The following NACC2 variants were observed in gnomAD, a reference collection of about 807,000 sequenced individuals.
The protein encoded by NACC2 is nucleus accumbens-associated protein 2.
A neutral mutation model predicts 25.1 loss-of-function variants in NACC2; 8 were observed. That is an observed-to-expected ratio of 0.32 (90% CI 0.19 to 0.57). The LOEUF (loss-of-function observed/expected upper bound fraction) is 0.57, where lower values mean the gene tolerates loss of function less well. Ranked by LOEUF, NACC2 falls within the 20% of genes least tolerant of loss-of-function variation. NACC2 has a pLI of 0.89. For synonymous variants in NACC2, 435 were observed against 294.7 expected (o/e 1.48, Z -4.88); for missense variants, 644 against 650.2 (o/e 0.99, Z 0.10).
Position 136,018,862 on chromosome 9 carries a change from G to A in NACC2, c.887-2433C>T, listed in dbSNP as rs1023602419. Among the ~76,000 whole-genome samples, 8 of 152,182 alleles carry A rather than the reference G, an allele frequency of 5.3e-5. No homozygotes were observed. The South Asian group carries it at 1.2e-3, about 24-fold the overall frequency. On this transcript the variant is annotated intron_variant, in intron 2 of 5. Coordinates refer to ENST00000277554, the MANE Select transcript of NACC2 (RefSeq NM_144653.5). The surrounding 1 kb of genome is among the most constrained non-coding windows in gnomAD (Gnocchi z 4.4). ...CACACGCGGAGAAGCCGCACGGTGC[G>A]TGGCATTTACATAAAGAGTTCACCA...
chr9:136,040,503 G>C (rs1297518894), intron 2 of NACC2, among the ~76,000 whole-genome samples: 4 of 152,282 alleles, frequency 2.6e-5, no homozygotes, highest in South Asian at 4.1e-4. Flanking sequence ...CTACTCCTAG[G>C]TATGTAGGCA....
Position 136,082,203 on chromosome 9 carries a change from G to A in NACC2, c.-60+12986C>T, listed in dbSNP as rs992610322. 4.3e-4 allele frequency among the ~76,000 whole-genome samples: 66 copies of A among 152,298 alleles called. 3 individuals are homozygous for A. The highest frequency in any genetic ancestry group is 2.9e-5 in the Non-Finnish European group (2 of 68,020). On this transcript the variant is annotated intron_variant, in intron 1 of 5. Coordinates refer to ENST00000277554, the MANE Select transcript of NACC2 (RefSeq NM_144653.5). Reference sequence around the variant, plus strand: ...GGGCTGAGGGATGCCCCCTCTGCCCGTCTCCCCAGGGTCTTCACCCTCAGG... The same window carrying A: ...GGGCTGAGGGATGCCCCCTCTGCCCATCTCCCCAGGGTCTTCACCCTCAGG...
intron 2 of NACC2, among the ~76,000 whole-genome samples, chr9:136,046,489 C>T (rs1840726980): frequency 2.0e-5 from 3 of 152,178 alleles, no homozygotes; most frequent in African/African-American, 4.8e-5. Context: ...CCCAGGAGGG[C>T]GCCCTGAAGT....
In NACC2 at chr9:136,011,630, G is replaced by C. The variant is rs749591024; in HGVS notation, c.1650C>G (p.Ala550=). 6 of 1,400,904 alleles carry C rather than the reference G, an allele frequency of 4.3e-6. No individual in the cohort carries two copies. The highest frequency in any genetic ancestry group is 5.5e-6 in the Non-Finnish European group (6 of 1,083,000). The allele number at this position is 1,400,904 out of a possible 1,614,324, so 86.8% of individuals were successfully genotyped here. A position where few individuals can be genotyped will look rare whatever the true frequency, so the allele number is the denominator to read the frequency against. The change falls in exon 6 of 6, where the codon GCC becomes GCG. Residue 550 remains alanine, a synonymous_variant. Coordinates refer to ENST00000277554, the MANE Select transcript of NACC2 (RefSeq NM_144653.5). ...AGGGCTGTGGGGGGCTCTGGCCATC[G>C]GCGGGCAGCGGCTCGGGGGCGGCCA... ...QEVAAPEPLP[A]DGQSPPQPFE...
At chr9:136,079,523 G>A (rs1830299480) in intron 1 of NACC2, among the ~76,000 whole-genome samples, 1 of 152,186 alleles carries the variant, frequency 6.6e-6, no homozygotes, top group Non-Finnish European at 1.5e-5. Flanking sequence ...TCACCCGCAG[G>A]CATGGGCACC....
intron 2 of NACC2, among the ~76,000 whole-genome samples, chr9:136,035,887 C>T (rs1840544254): frequency 6.6e-6 from 1 of 152,168 alleles, no homozygotes; most frequent in Admixed American, 6.5e-5. Flanking sequence ...TACAACTTTT[C>T]TGCAAGTTGA....
In NACC2 at chr9:136,013,788, C is replaced by G; in HGVS notation, c.1157+76G>C. 2 of 1,312,844 alleles carry G rather than the reference C, an allele frequency of 1.5e-6. No individual in the cohort carries two copies. The highest frequency in any genetic ancestry group is 2.1e-6 in the Non-Finnish European group (2 of 930,314). 81.3% of individuals were successfully genotyped at this position (1,312,844 alleles called of 1,614,324 possible). A position where few individuals can be genotyped will look rare whatever the true frequency, so the allele number is the denominator to read the frequency against. ...TTTCAATGCCACAACCCTGGACGAT[C>G]AGACAGCTCATAGCTAAAGGAGCCA... On this transcript the variant is annotated intron_variant, in intron 4 of 5. Transcript: ENST00000277554. The surrounding 1 kb of genome is among the most constrained non-coding windows in gnomAD (Gnocchi z 6.6).
At chr9:136,033,654 A>AC (rs1840505831) in intron 2 of NACC2, among the ~76,000 whole-genome samples, 1 of 151,338 alleles carries the variant, frequency 6.6e-6, no homozygotes, top group Admixed American at 6.6e-5. Flanking sequence ...GTCTCAAAAA[A>AC]AAAAAAAAAA....
intron 2 of NACC2, among the ~76,000 whole-genome samples, chr9:136,028,604 A>C (rs1288768241): frequency 6.6e-6 from 1 of 152,072 alleles, no homozygotes; most frequent in Non-Finnish European, 1.5e-5. Flanking sequence ...TGCACGCTCC[A>C]TGGAGCTGGC....
intron 2 of NACC2, among the ~76,000 whole-genome samples, chr9:136,043,695 C>A (rs1363753809): frequency 1.3e-5 from 2 of 152,184 alleles, no homozygotes; most frequent in South Asian, 2.1e-4. Context: ...ATGGGGTAGA[C>A]GACTCTGTGC....
chr9:136,008,258 C>T lies in NACC2; in HGVS notation c.*3258G>A, dbSNP rs1371618848. On this transcript the variant is annotated 3_prime_UTR_variant, in exon 6 of 6. Coordinates refer to ENST00000277554, the MANE Select transcript of NACC2 (RefSeq NM_144653.5). ...CCCGCCGGGCTCACAGTATCTGTCACACCTCCGGTCCCTCCTGGACCTCTC... is the reference window on the plus strand; with the variant it reads ...CCCGCCGGGCTCACAGTATCTGTCATACCTCCGGTCCCTCCTGGACCTCTC... The T allele has an allele frequency of 6.6e-6, 1 of 152,284 alleles. No homozygotes were observed. The highest frequency in any genetic ancestry group is 6.5e-5 in the Admixed American group (1 of 15,294). 9.4% of individuals were successfully genotyped at this position (152,284 alleles called of 1,614,324 possible).
At position 136,084,631 on chromosome 9, in the gene NACC2, C is replaced by T. The variant is rs1215985559; in HGVS notation, c.-60+10558G>A. On this transcript the variant is annotated intron_variant, in intron 1 of 5. Coordinates refer to ENST00000277554, the MANE Select transcript of NACC2 (RefSeq NM_144653.5). The surrounding 1 kb of genome is among the most constrained non-coding windows in gnomAD (Gnocchi z 5.1). Reference sequence around the variant, plus strand: ...AGACACAGCAAGACTCAAACAGACGCGCACGCCACGTCCATAGCGGCAGCA... The same window carrying T: ...AGACACAGCAAGACTCAAACAGACGTGCACGCCACGTCCATAGCGGCAGCA... Among the ~76,000 whole-genome samples, 2 of 152,244 alleles carry T rather than the reference C, an allele frequency of 1.3e-5. No individual in the cohort carries two copies. The highest frequency in any genetic ancestry group is 2.4e-5 in the African/African-American group (1 of 41,466).
rs1038222162 is a variant in NACC2, at chr9:136,093,347, A to G, written c.-60+1842T>C. Among the ~76,000 whole-genome samples the G allele has an allele frequency of 2.0e-5, 3 of 152,146 alleles. No homozygotes were observed. The East Asian group carries it at 5.8e-4, about 29-fold the overall frequency. ...ATTGAAGAATTTTTTAAAAGTCACC[A>G]CTAGCCCCCTGCCCAGGGCAGAGCA... On this transcript the variant is annotated intron_variant, in intron 1 of 5. Coordinates refer to ENST00000277554, the MANE Select transcript of NACC2 (RefSeq NM_144653.5).
At chr9:136,048,167 G>A (rs1284128453) in intron 2 of NACC2, among the ~76,000 whole-genome samples, 1 of 152,226 alleles carries the variant, frequency 6.6e-6, no homozygotes, top group Non-Finnish European at 1.5e-5. Flanking sequence ...CTGGGGTTCT[G>A]CCCTGGGACT....
chr9:136,049,205 G>A (rs1840775820), intron 2 of NACC2, among the ~76,000 whole-genome samples: 3 of 152,220 alleles, frequency 2.0e-5, no homozygotes, highest in Admixed American at 2.0e-4. Context: ...CTGGCGCGGG[G>A]CCTGGAGAGG....
chr9:136,067,303 C>A (rs1383459203), intron 1 of NACC2, among the ~76,000 whole-genome samples: 1 of 150,518 alleles, frequency 6.6e-6, no homozygotes, highest in Admixed American at 6.6e-5. Context: ...TTGCCTAGAG[C>A]CGGGAGCAGT....
chr9:136,088,451 G>A (rs1446062243), intron 1 of NACC2, among the ~76,000 whole-genome samples: 2 of 152,098 alleles, frequency 1.3e-5, no homozygotes, highest in East Asian at 1.9e-4. Flanking sequence ...TGAGCCCCTG[G>A]AAGCTGCAAA....
rs964777302 is a variant in NACC2 at position 136,022,340 on chromosome 9, C to T, written c.887-5911G>A. 3.9e-5 allele frequency among the ~76,000 whole-genome samples: 6 copies of T among 152,306 alleles called. No homozygotes were observed. The East Asian group carries it at 9.7e-4, about 25-fold the overall frequency. On this transcript the variant is annotated intron_variant, in intron 2 of 5. Transcript: ENST00000277554. This position sits in a 1 kb window ranked among gnomAD's most constrained non-coding sequence, Gnocchi z 4.4. ...TCCACATGGGGCTGTGTCCCACCCC[C>T]GAAAGCACACAGGTGTGGACTCAAC... is the stretch of plus-strand genomic sequence containing the variant.
In NACC2 at chr9:136,018,144, G is replaced by A. The variant is rs1051621937; in HGVS notation, c.887-1715C>T. ...TGCAGAGCCCACCTGCGGCCGCACC[G>A]CACCAGGACGCTCAGAGGCAGGTGC... On this transcript the variant is annotated intron_variant, in intron 2 of 5. Transcript: ENST00000277554. The surrounding 1 kb of genome is among the most constrained non-coding windows in gnomAD (Gnocchi z 4.4). 2.6e-5 allele frequency among the ~76,000 whole-genome samples: 4 copies of A among 152,270 alleles called. No individual in the cohort carries two copies. Among genetic ancestry groups the A allele is most frequent in the South Asian group, 2.1e-4 (1 of 4,834 alleles).
Sources: gnomAD v4.1 joint callset for allele counts (sites outside exome capture counted in the v4.1 genomes callset) on GRCh38, gnomAD v4.1.1 for gene constraint, Gnocchi (gnomAD v3.1) non-coding constraint, MANE v1.5 for transcripts, NCBI Gene and HGNC (gene_info 2026-07-23, HGNC 2026-07-21) for gene names.